RNF157: variants seen among roughly 807,000 people sequenced by gnomAD.
RNF157 encodes the protein E3 ubiquitin ligase RNF157.
In RNF157, 55 loss-of-function variants were observed where a neutral mutation model predicts 88.3. That is an observed-to-expected ratio of 0.62 (90% confidence interval 0.50 to 0.78). The LOEUF is 0.78. Ranked by LOEUF, RNF157 falls within the 30% of genes least tolerant of loss-of-function variation. The pLI, the probability that RNF157 is intolerant of heterozygous loss-of-function variation, is 0.00. For missense variants in RNF157, 788 were observed against 860.8 expected (o/e 0.92, Z 1.06); for synonymous variants, 334 against 341.2 (o/e 0.98, Z 0.23).
chr17:76,168,557 A>G (rs1441344257), intron 3 of RNF157, among the ~76,000 whole-genome samples: 1 of 151,554 alleles, frequency 6.6e-6, no homozygotes, highest in African/African-American at 2.4e-5. Context: ...ATTTCATCTT[A>G]TTGAGGAGGT....
intron 18 of RNF157, chr17:76,147,406 G>A (rs1220828122): frequency 4.5e-6 from 4 of 893,764 alleles, no homozygotes; most frequent in East Asian, 1.2e-4. Context: ...CACCACCGCC[G>A]CCGCCACCAC....
intron 1 of RNF157, among the ~76,000 whole-genome samples, chr17:76,236,412 T>C (rs2070283109): frequency 6.6e-6 from 1 of 152,214 alleles, no homozygotes; most frequent in African/African-American, 2.4e-5. Flanking sequence ...AGCAACCATC[T>C]CCGCAAAGCC....
At chr17:76,173,203 G>A (rs1048614706) in intron 3 of RNF157, among the ~76,000 whole-genome samples, 3 of 151,932 alleles carry the variant, frequency 2.0e-5, no homozygotes, top group Non-Finnish European at 2.9e-5. Context: ...GGAGAATGGC[G>A]TGAACCCTGG....
At chr17:76,173,919 G>C (rs2069061046) in intron 2 of RNF157, 129 bp from the exon 3 acceptor site, 6 of 738,270 alleles carry the variant, frequency 8.1e-6, no homozygotes, top group Non-Finnish European at 1.4e-5. Flanking sequence ...AATTAAGTGA[G>C]GAAACTGAAA....
chr17:76,216,722 C>T lies in RNF157; in HGVS notation c.89-4240G>A, dbSNP rs571949336. On this transcript the variant is annotated intron_variant, in intron 1 of 18. Coordinates refer to ENST00000269391, the MANE Select transcript of RNF157 (RefSeq NM_052916.3). ...CAATATATTATAATTAGACCCTTGT[C>T]TCGACAAAAAATTAAAAAATTAGCT... 1.8e-3 allele frequency among the ~76,000 whole-genome samples: 268 copies of T among 151,920 alleles called. 2 individuals are homozygous for T. Among genetic ancestry groups the T allele is most frequent in the Non-Finnish European group, 2.7e-3 (183 of 67,968 alleles).
intron 2 of RNF157, chr17:76,175,889 T>G (rs1292516049): frequency 4.9e-6 from 3 of 615,166 alleles, no homozygotes; most frequent in African/African-American, 4.0e-5. Context: ...TTGAATATAT[T>G]TGATGATAAC....
chr17:76,164,966 TGAGA>T (rs1450458347), intron 7 of RNF157, among the ~76,000 whole-genome samples, 171 bp from the exon 8 acceptor site: 3 of 152,264 alleles, frequency 2.0e-5, no homozygotes, highest in Non-Finnish European at 4.4e-5. Flanking sequence ...TACAATATTT[TGAGA>T]GAGAAAGATC....
chr17:76,144,139 G>A lies in RNF157; in HGVS notation c.*1096C>T, dbSNP rs1460705499. 2.0e-5 allele frequency: 3 copies of A among 152,226 alleles called. No homozygotes were observed. The highest frequency in any genetic ancestry group is 2.9e-5 in the Non-Finnish European group (2 of 68,076). 9.4% of individuals were successfully genotyped at this position (152,226 alleles called of 1,614,324 possible). A position where few individuals can be genotyped will look rare whatever the true frequency, so the allele number is the denominator to read the frequency against. On this transcript the variant is annotated 3_prime_UTR_variant, in exon 19 of 19. Transcript: ENST00000269391. Reference sequence around the variant, plus strand: ...TGCCACCTCCCAATTGAGTGAGGATGAATTATGGTAATATACGACCACTCC... The same window carrying A: ...TGCCACCTCCCAATTGAGTGAGGATAAATTATGGTAATATACGACCACTCC...
rs2068751716 is a variant in RNF157 at position 76,155,656 on chromosome 17, A to G, written c.1604T>C (p.Met535Thr). ...SQISTDTVSSMSGSYIAPGTE... is the reference protein window; with the variant it reads ...SQISTDTVSSTSGSYIAPGTE... ...GCCAGGGGCGATGTAGGAGCCAGAC[A>G]TGGAGGAGACGGTGTCAGTGCTGAT... Residue 535 changes from methionine to threonine, a missense_variant, in exon 15 of 19, where the codon ATG becomes ACG. By Grantham distance (81) the Met-to-Thr change is moderately conservative. Transcript: ENST00000269391. 1.2e-6 allele frequency: 2 copies of G among 1,613,914 alleles called. No homozygotes were observed. Among genetic ancestry groups the G allele is most frequent in the East Asian group, 4.5e-5 (2 of 44,878 alleles).
intron 1 of RNF157, among the ~76,000 whole-genome samples, chr17:76,236,658 T>C (rs111750592): frequency 1.9e-3 from 285 of 152,278 alleles, no homozygotes; most frequent in Non-Finnish European, 3.3e-3. Context: ...AATCACCTAA[T>C]GCATAACATT....
chr17:76,160,051 C>A lies in RNF157; in HGVS notation c.1066-478G>T, dbSNP rs967823950. Among the ~76,000 whole-genome samples the A allele has an allele frequency of 7.9e-5, 12 of 152,184 alleles. No homozygotes were observed. Among genetic ancestry groups the A allele is most frequent in the African/African-American group, 2.9e-4 (12 of 41,448 alleles). On this transcript the variant is annotated intron_variant, in intron 11 of 18. Transcript: ENST00000269391. The surrounding 1 kb of genome is among the most constrained non-coding windows in gnomAD (Gnocchi z 4.3). Reference sequence around the variant, plus strand: ...CCCAGGCTGGTCTTGAGCTCCTGGTCTCAATTGATCCTCCCACCATGGCCT... The same window carrying A: ...CCCAGGCTGGTCTTGAGCTCCTGGTATCAATTGATCCTCCCACCATGGCCT...
rs1375613308 is a variant in RNF157, at chr17:76,240,188, G to A, written c.53C>T (p.Pro18Leu). ...QHAGVEEVDI[P>L]SNSVYRYPPK... Reference sequence around the variant, plus strand: ...CGGGTAGCGGTACACGGAATTAGACGGGATGTCCACCTCCTCCACGCCCGC... The same window carrying A: ...CGGGTAGCGGTACACGGAATTAGACAGGATGTCCACCTCCTCCACGCCCGC... The change falls in exon 1 of 19, where the codon CCG becomes CTG. Residue 18 changes from proline to leucine, a missense_variant. Transcript: ENST00000269391. This position sits in a 1 kb window ranked among gnomAD's most constrained non-coding sequence, Gnocchi z 4.4. 2.8e-6 allele frequency: 4 copies of A among 1,408,726 alleles called. No homozygotes were observed. Among genetic ancestry groups the A allele is most frequent in the East Asian group, 2.8e-5 (1 of 35,950 alleles). 87.3% of individuals were successfully genotyped at this position (1,408,726 alleles called of 1,614,324 possible).
At chr17:76,230,367 C>T (rs895514174) in intron 1 of RNF157, among the ~76,000 whole-genome samples, 2 of 152,160 alleles carry the variant, frequency 1.3e-5, no homozygotes, top group Admixed American at 6.6e-5. Flanking sequence ...CTCTGGTCAC[C>T]CAGGCTAAAA....
rs2068564440 is a variant in RNF157 at position 76,145,084 on chromosome 17, G to A, written c.*151C>T. 3.4e-6 allele frequency: 2 copies of A among 589,572 alleles called. No individual in the cohort carries two copies. The highest frequency in any genetic ancestry group is 3.0e-6 in the Non-Finnish European group (1 of 328,208). 36.5% of individuals were successfully genotyped at this position (589,572 alleles called of 1,614,324 possible). A position where few individuals can be genotyped will look rare whatever the true frequency, so the allele number is the denominator to read the frequency against. ...AAAGGAGGGTTCCAGTTCCCTCTGA[G>A]AGGTGAGGGATTGTGGTTACAGGTT... On this transcript the variant is annotated 3_prime_UTR_variant, in exon 19 of 19. Coordinates refer to ENST00000269391, the MANE Select transcript of RNF157 (RefSeq NM_052916.3).
At chr17:76,237,892 G>A (rs772330683) in intron 1 of RNF157, among the ~76,000 whole-genome samples, 12 of 152,032 alleles carry the variant, frequency 7.9e-5, no homozygotes, top group Non-Finnish European at 4.4e-5. Flanking sequence ...AGACTTGCCT[G>A]GCCAATATGG....
chr17:76,142,906 A>G lies in RNF157; in HGVS notation c.*2329T>C, dbSNP rs1443839676. The stretch of plus-strand genomic sequence containing the variant: ...GCAGGAAGGAGCCCTGGGTCTCCAT[A>G]GTTAGGCTGTGCCCTGTGGGAGAAG... On this transcript the variant is annotated 3_prime_UTR_variant, in exon 19 of 19. Coordinates refer to ENST00000269391, the MANE Select transcript of RNF157 (RefSeq NM_052916.3). The G allele has an allele frequency of 6.6e-6, 1 of 152,328 alleles. No individual in the cohort carries two copies. The highest frequency in any genetic ancestry group is 1.9e-4 in the East Asian group (1 of 5,198). 9.4% of individuals were successfully genotyped at this position (152,328 alleles called of 1,614,324 possible).
intron 2 of RNF157, among the ~76,000 whole-genome samples, chr17:76,205,234 G>A (rs925238526): frequency 6.6e-6 from 1 of 151,432 alleles, no homozygotes; most frequent in Admixed American, 6.6e-5. Context: ...GACCTCCTGG[G>A]CTCAAGTAAT....
chr17:76,166,559 A>AG, intron 5 of RNF157, 32 bp from the exon 6 acceptor site: 1 of 1,579,064 alleles, frequency 6.3e-7, no homozygotes, highest in Non-Finnish European at 8.7e-7. Context: ...GGAAAAAAAA[A>AG]GAGGACTTAA....
chr17:76,222,486 G>A (rs2145052279), intron 1 of RNF157, among the ~76,000 whole-genome samples: 1 of 152,240 alleles, frequency 6.6e-6, no homozygotes, highest in Middle Eastern at 3.4e-3. Flanking sequence ...ATCACATGGG[G>A]AGGAAGAATT....
Sources: allele counts gnomAD v4.1 joint callset (sites outside exome capture counted in the v4.1 genomes callset), GRCh38; gene constraint gnomAD v4.1.1; non-coding constraint Gnocchi (gnomAD v3.1); transcripts MANE v1.5; gene names NCBI Gene and HGNC (gene_info 2026-07-23, HGNC 2026-07-21).